CENPW: variants seen among roughly 807,000 people sequenced by gnomAD.
CENPW encodes centromere protein W.
A neutral mutation model predicts 11.1 loss-of-function variants in CENPW; 3 were observed. The ratio of observed to expected loss-of-function variants is 0.27; its 90% CI spans 0.12 to 0.70. The LOEUF (loss-of-function observed/expected upper bound fraction) is 0.70. Among genes scored for constraint, CENPW ranks in the 30% least tolerant of loss-of-function variants. The pLI, the probability that CENPW is intolerant of heterozygous loss-of-function variation, is 0.77. For missense variants in CENPW, 100 were observed against 105.6 expected (o/e 0.95, Z 0.23); for synonymous variants, 38 against 42.0 (o/e 0.91, Z 0.37).
the CENPW span, among the ~76,000 whole-genome samples, chr6:126,473,182 A>T: frequency 6.6e-6 from 1 of 152,146 alleles, no homozygotes; most frequent in African/African-American, 2.4e-5. Context: ...GGTTGTTTCC[A>T]GCTTTTGGGA....
In CENPW at chr6:126,340,412, C is replaced by T. The variant is rs766480500; in HGVS notation, c.126+13C>T. 6.2e-7 allele frequency: 1 copy of T among 1,614,172 alleles called. No homozygotes were observed. Among genetic ancestry groups the T allele is most frequent in the South Asian group, 1.1e-5 (1 of 91,080 alleles). On this transcript the variant is annotated intron_variant, in intron 1 of 2. Transcript: ENST00000368328. ...TGGTGACTTATTGGTGAGATTCCAT[C>T]CCTTCTCGGGCTGGGAATGGGGCAC... is the stretch of plus-strand genomic sequence containing the variant.
chr6:126,364,429 T>C, the CENPW span, among the ~76,000 whole-genome samples: 1 of 152,190 alleles, frequency 6.6e-6, no homozygotes, highest in Non-Finnish European at 1.5e-5. Flanking sequence ...CAGATAAGTT[T>C]CCCTTTCCCC....
At chr6:126,419,330 T>C in the CENPW span, among the ~76,000 whole-genome samples, 2 of 152,202 alleles carry the variant, frequency 1.3e-5, no homozygotes, top group South Asian at 4.1e-4. Context: ...AGCATAAAGG[T>C]TTGATGTCTA....
chr6:126,403,862 G>C, the CENPW span, among the ~76,000 whole-genome samples: 1 of 152,076 alleles, frequency 6.6e-6, no homozygotes, highest in African/African-American at 2.4e-5. Flanking sequence ...ATTCACATTG[G>C]AAGAAGATGC....
At chr6:126,450,027 A>C in the CENPW span, among the ~76,000 whole-genome samples, 2 of 151,062 alleles carry the variant, frequency 1.3e-5, no homozygotes, top group East Asian at 2.0e-4. Flanking sequence ...TAGTTCTTTC[A>C]AGTAAAAGAT....
the CENPW span, among the ~76,000 whole-genome samples, chr6:126,409,636 G>T: frequency 1.3e-5 from 2 of 151,784 alleles, no homozygotes; most frequent in South Asian, 4.2e-4. Context: ...TTGTATTCCT[G>T]AATTTATTCC....
the CENPW span, among the ~76,000 whole-genome samples, chr6:126,393,411 G>T: frequency 6.6e-6 from 1 of 150,994 alleles, no homozygotes; most frequent in Non-Finnish European, 1.5e-5. Context: ...TTTGATGTAG[G>T]CCCTTATAGC....
the CENPW span, among the ~76,000 whole-genome samples, chr6:126,418,789 G>A: frequency 7.1e-4 from 108 of 151,928 alleles, no homozygotes; most frequent in Middle Eastern, 6.8e-3. Context: ...TAGGGACATG[G>A]GTGAAGCTGG....
At chr6:126,386,794 G>T in the CENPW span, among the ~76,000 whole-genome samples, 2 of 151,852 alleles carry the variant, frequency 1.3e-5, no homozygotes, top group Non-Finnish European at 2.9e-5. Context: ...GATACTAGAA[G>T]AACACATAGT....
chr6:126,460,973 T>C, the CENPW span, among the ~76,000 whole-genome samples: 13 of 151,998 alleles, frequency 8.6e-5, no homozygotes, highest in African/African-American at 2.6e-4. Context: ...TTTTCTGTAT[T>C]CCCAGTTCTT....
At chr6:126,383,608 A>C in the CENPW span, among the ~76,000 whole-genome samples, 1 of 152,144 alleles carries the variant, frequency 6.6e-6, no homozygotes, top group African/African-American at 2.4e-5. Context: ...AAAAAGAAAA[A>C]AAAATCAGGG....
the CENPW span, among the ~76,000 whole-genome samples, chr6:126,444,569 T>C: frequency 0.02 from 3,013 of 151,302 alleles, 43 homozygotes; most frequent in Non-Finnish European, 0.032. Context: ...TTTTGTTCCC[T>C]TTCTTTACAA....
At chr6:126,407,393 A>T in the CENPW span, among the ~76,000 whole-genome samples, 1 of 152,188 alleles carries the variant, frequency 6.6e-6, no homozygotes, top group African/African-American at 2.4e-5. Context: ...TTCAATGAAC[A>T]TACATGTGCA....
chr6:126,366,416 A>G, the CENPW span, among the ~76,000 whole-genome samples: 1 of 152,208 alleles, frequency 6.6e-6, no homozygotes, highest in Non-Finnish European at 1.5e-5. Context: ...TAAAATTGTC[A>G]TCTAATATTT....
the CENPW span, among the ~76,000 whole-genome samples, chr6:126,403,943 G>C: frequency 6.6e-6 from 1 of 152,084 alleles, no homozygotes; most frequent in East Asian, 1.9e-4. Context: ...CTCTTCTGTT[G>C]AGGCTAATAC....
chr6:126,418,246 T>TA, the CENPW span, among the ~76,000 whole-genome samples: 2 of 152,186 alleles, frequency 1.3e-5, no homozygotes, highest in African/African-American at 4.8e-5. Context: ...ACTCTTAGGA[T>TA]AAAATCAAGA....
chr6:126,434,456 C>T, the CENPW span, among the ~76,000 whole-genome samples: 1 of 151,968 alleles, frequency 6.6e-6, no homozygotes, highest in Non-Finnish European at 1.5e-5. Flanking sequence ...TAATAAAAAT[C>T]TACTCCATTA....
chr6:126,362,670 GCTTAT>G, the CENPW span, among the ~76,000 whole-genome samples: 2 of 152,034 alleles, frequency 1.3e-5, no homozygotes, highest in African/African-American at 4.8e-5. Context: ...CTTTAATTTT[GCTTAT>G]ATAAGAGCCC....
At chr6:126,427,789 C>T in the CENPW span, among the ~76,000 whole-genome samples, 2 of 152,202 alleles carry the variant, frequency 1.3e-5, no homozygotes, top group Non-Finnish European at 2.9e-5. Context: ...TACAAGTTTG[C>T]ATAGTGAGTG....
Sources: gnomAD v4.1 joint callset for allele counts (sites outside exome capture counted in the v4.1 genomes callset) on GRCh38, gnomAD v4.1.1 for gene constraint, MANE v1.5 for transcripts, NCBI Gene and HGNC (gene_info 2026-07-23, HGNC 2026-07-21) for gene names.